CADM1: variants seen among roughly 807,000 people sequenced by gnomAD.
CADM1 encodes the protein cell adhesion molecule 1.
A neutral mutation model predicts 53.1 loss-of-function variants in CADM1; 15 were observed. The ratio of observed to expected loss-of-function variants is 0.28; its 90% CI spans 0.19 to 0.44. The LOEUF is 0.44. Among genes scored for constraint, CADM1 ranks in the 20% least tolerant of loss-of-function variants. The pLI is 1.00. For synonymous variants in CADM1, 281 were observed against 243.0 expected, an observed-to-expected ratio of 1.16 and a Z score of -1.45; for missense variants, 434 against 611.3, an observed-to-expected ratio of 0.71 and a Z score of 3.06.
rs560161490 is a variant in CADM1 at position 115,176,503 on chromosome 11, A to C, written c.1387T>G (p.Ser463Ala). The part of the protein sequence containing the change: ...IINAEGGQNN[S>A]EEKKEYFI ...ATGAAGTACTCTTTCTTTTCTTCGGAGTTGTTCTGTCCTCCTTCTGCATTG... is the reference window on the plus strand; with the variant it reads ...ATGAAGTACTCTTTCTTTTCTTCGGCGTTGTTCTGTCCTCCTTCTGCATTG... Residue 463 changes from serine (S) to alanine (A), a missense_variant, in exon 12 of 12, where the codon TCC (serine) becomes GCC (alanine). By Grantham distance (99) the Ser-to-Ala change is moderately conservative. Transcript: ENST00000331581. 1 of 1,613,936 alleles carries C rather than the reference A, an allele frequency of 6.2e-7. No homozygotes were observed. Among genetic ancestry groups the C allele is most frequent in the Non-Finnish European group, 8.5e-7 (1 of 1,179,936 alleles).
chr11:115,416,588 G>A (rs1269962152), intron 1 of CADM1, among the ~76,000 whole-genome samples: 1 of 151,912 alleles, frequency 6.6e-6, no homozygotes, highest in East Asian at 1.9e-4. Flanking sequence ...CACAAACCTA[G>A]ATGGCTTATT....
chr11:115,291,214 T>C (rs17441610), intron 1 of CADM1, among the ~76,000 whole-genome samples: 13,527 of 152,138 alleles, frequency 0.089, 761 homozygotes, highest in Non-Finnish European at 0.12. Context: ...AAATGATTAA[T>C]GCTTTGAGGG....
intron 1 of CADM1, among the ~76,000 whole-genome samples, chr11:115,257,155 T>C (rs1204040968): frequency 6.6e-6 from 1 of 152,052 alleles, no homozygotes; most frequent in Non-Finnish European, 1.5e-5. Flanking sequence ...GTTTTTCTTT[T>C]TAAAAAAGTT....
chr11:115,474,656 C>T (rs556738953), intron 1 of CADM1, among the ~76,000 whole-genome samples: 6 of 136,350 alleles, frequency 4.4e-5, no homozygotes, highest in African/African-American at 1.7e-4. Context: ...AATGAGAACA[C>T]TTGGACACAG....
chr11:115,260,067 T>C (rs552075806), intron 1 of CADM1, among the ~76,000 whole-genome samples: 1 of 152,192 alleles, frequency 6.6e-6, no homozygotes, highest in East Asian at 1.9e-4. Context: ...GCTGGGACTA[T>C]AGGCACATGC....
chr11:115,225,110 G>A (rs187543288), intron 5 of CADM1, among the ~76,000 whole-genome samples: 39 of 152,246 alleles, frequency 2.6e-4, no homozygotes, highest in African/African-American at 8.4e-4. Context: ...CCCTTGCTGA[G>A]TCTCAGAATG....
chr11:115,239,653 G>A (rs1942145782), intron 2 of CADM1, among the ~76,000 whole-genome samples: 1 of 151,834 alleles, frequency 6.6e-6, no homozygotes, highest in Non-Finnish European at 1.5e-5. Context: ...GGGACAAGCA[G>A]CTGGGAAGAG....
intron 10 of CADM1, among the ~76,000 whole-genome samples, chr11:115,186,604 G>A (rs996581886): frequency 2.0e-5 from 3 of 152,168 alleles, no homozygotes; most frequent in East Asian, 1.9e-4. Flanking sequence ...TAAGCAAACC[G>A]TTTAGCCGTT....
chr11:115,458,009 G>C (rs1948715219), intron 1 of CADM1, among the ~76,000 whole-genome samples: 1 of 152,042 alleles, frequency 6.6e-6, no homozygotes, highest in Non-Finnish European at 1.5e-5. Flanking sequence ...TCCAAGAGCA[G>C]CATGACTACC....
intron 1 of CADM1, among the ~76,000 whole-genome samples, chr11:115,295,533 TA>T (rs1475658937): frequency 0.016 from 1,421 of 89,678 alleles, 74 homozygotes; most frequent in African/African-American, 0.072. Flanking sequence ...TATATATATA[TA>T]TATATATATA....
intron 1 of CADM1, among the ~76,000 whole-genome samples, chr11:115,415,003 A>G (rs1485030549): frequency 6.6e-6 from 1 of 152,172 alleles, no homozygotes; most frequent in Non-Finnish European, 1.5e-5. Flanking sequence ...AAAAGGATCT[A>G]CGACTTTAGA....
intron 1 of CADM1, among the ~76,000 whole-genome samples, chr11:115,463,365 TATA>T (rs1218696949): frequency 7.9e-5 from 12 of 152,186 alleles, no homozygotes; most frequent in Non-Finnish European, 1.3e-4. Context: ...TGTTAAAACA[TATA>T]ATATTTTTAT....
intron 3 of CADM1, among the ~76,000 whole-genome samples, chr11:115,232,692 T>C (rs1941864738): frequency 6.6e-6 from 1 of 152,320 alleles, no homozygotes; most frequent in East Asian, 1.9e-4. Context: ...ATATGTTATC[T>C]TTTATGAAAC....
chr11:115,210,765 T>C lies in CADM1; in HGVS notation c.995-1108A>G, dbSNP rs1208407260. Among the ~76,000 whole-genome samples the C allele has an allele frequency of 2.0e-5, 3 of 152,302 alleles. No homozygotes were observed. The South Asian group carries it at 6.2e-4, about 32-fold the overall frequency. On this transcript the variant is annotated intron_variant, in intron 7 of 11. Transcript: ENST00000331581. ...ACTTTAATTATATACTGCACCTTTA[T>C]TGGGTTTGGTGCAACTTCCCAAAAG...
chr11:115,290,646 A>T (rs190278873), intron 1 of CADM1, among the ~76,000 whole-genome samples: 43 of 152,318 alleles, frequency 2.8e-4, no homozygotes, highest in Middle Eastern at 3.4e-3. Context: ...AATAAAACAC[A>T]CACTGATGGG....
At chr11:115,199,697 G>A (rs1940330139) in intron 8 of CADM1, among the ~76,000 whole-genome samples, 1 of 152,168 alleles carries the variant, frequency 6.6e-6, no homozygotes, top group South Asian at 2.1e-4. Context: ...AACTTCCCAG[G>A]CACATTCCTT....
chr11:115,229,208 A>G lies in CADM1; in HGVS notation c.626T>C (p.Val209Ala). 1 of 1,614,092 alleles carries G rather than the reference A, an allele frequency of 6.2e-7. No individual in the cohort carries two copies. The highest frequency in any genetic ancestry group is 8.5e-7 in the Non-Finnish European group (1 of 1,179,982). ...YTVTSQLMLK[V>A]HKEDDGVPVI... The stretch of plus-strand genomic sequence containing the variant: ...TGGGACCCCATCGTCCTCCTTGTGC[A>G]CCTTCAGCATCAGCTGACTGGTCAC... Residue 209 changes from valine (V) to alanine (A), a missense_variant, in exon 5 of 12, where the codon GTG (valine) becomes GCG (alanine). Physicochemically the swap from Val to Ala is moderately conservative, Grantham distance 64. Coordinates refer to ENST00000331581, the MANE Select transcript of CADM1 (RefSeq NM_001301043.2).
At chr11:115,419,985 T>TCC (rs1947712204) in intron 1 of CADM1, among the ~76,000 whole-genome samples, 1 of 152,178 alleles carries the variant, frequency 6.6e-6, no homozygotes, top group Non-Finnish European at 1.5e-5. Context: ...CCTCATGCTC[T>TCC]CCTCCATTGT....
At chr11:115,470,249 T>C (rs1282338312) in intron 1 of CADM1, among the ~76,000 whole-genome samples, 1 of 152,226 alleles carries the variant, frequency 6.6e-6, no homozygotes, top group African/African-American at 2.4e-5. Context: ...CACTGGACAG[T>C]TCCATTAATT....
Sources: allele counts gnomAD v4.1 joint callset (sites outside exome capture counted in the v4.1 genomes callset), GRCh38; gene constraint gnomAD v4.1.1; transcripts MANE v1.5; gene names NCBI Gene and HGNC (gene_info 2026-07-23, HGNC 2026-07-21).